Variants in ENOX1 observed in about 807,000 individuals in gnomAD.
ENOX1 encodes the protein candidate growth-related and time keeping constitutive hydroquinone (NADH) oxidase.
Under a neutral mutation model 82.5 loss-of-function variants are expected in ENOX1, and 42 were observed. The ratio of observed to expected loss-of-function variants is 0.51; its 90% CI spans 0.40 to 0.66. The LOEUF (loss-of-function observed/expected upper bound fraction) is 0.66. Among genes scored for constraint, ENOX1 ranks in the 30% least tolerant of loss-of-function variants. ENOX1 has a pLI of 0.00. For synonymous variants in ENOX1, 271 were observed against 282.2 expected (o/e 0.96, Z 0.40); for missense variants, 608 against 811.6 (o/e 0.75, Z 3.05).
At chr13:43,719,302 T>TACATACACACACACAC (rs547079621) in intron 1 of ENOX1, among the ~76,000 whole-genome samples, 2 of 126,682 alleles carry the variant, frequency 1.6e-5, no homozygotes, top group African/African-American at 2.9e-5. Flanking sequence ...TTCATTCAAA[T>TACATACACACACACAC]ACACACACAC....
At chr13:43,373,258 G>GC in intron 5 of ENOX1, among the ~76,000 whole-genome samples, 1 of 152,028 alleles carries the variant, frequency 6.6e-6, no homozygotes, top group Non-Finnish European at 1.5e-5. Flanking sequence ...AAACCAGAAG[G>GC]CCTTCTAGGA....
intron 2 of ENOX1, among the ~76,000 whole-genome samples, chr13:43,645,740 T>TCTC (rs10661205): frequency 0.99 from 151,026 of 152,280 alleles, 74,904 homozygotes; most frequent in Middle Eastern, 1. Flanking sequence ...AGAAAATAGT[T>TCTC]CTTCTCAGAA....
At chr13:43,416,555 C>T (rs1195856825) in intron 3 of ENOX1, among the ~76,000 whole-genome samples, 2 of 143,216 alleles carry the variant, frequency 1.4e-5, no homozygotes, top group Admixed American at 6.9e-5. Context: ...CAGGTAGCAG[C>T]GATCCTCACT....
chr13:43,439,979 G>A (rs1046469216), intron 3 of ENOX1, among the ~76,000 whole-genome samples: 3 of 152,090 alleles, frequency 2.0e-5, no homozygotes, highest in Non-Finnish European at 4.4e-5. Context: ...GGCAAAACAT[G>A]TTTATATATA....
chr13:43,608,250 C>T (rs2082053767), intron 2 of ENOX1, among the ~76,000 whole-genome samples: 4 of 152,024 alleles, frequency 2.6e-5, no homozygotes, highest in African/African-American at 7.2e-5. Context: ...ATAAGAACAC[C>T]GGACTTTAAA....
At chr13:43,707,570 T>C (rs541286496) in intron 1 of ENOX1, among the ~76,000 whole-genome samples, 1 of 151,680 alleles carries the variant, frequency 6.6e-6, no homozygotes, top group Admixed American at 6.6e-5. Context: ...CTGTCTCTAC[T>C]AAAAGTACAA....
chr13:43,454,987 C>T (rs2057158925), intron 3 of ENOX1, among the ~76,000 whole-genome samples: 1 of 152,160 alleles, frequency 6.6e-6, no homozygotes, highest in East Asian at 1.9e-4. Flanking sequence ...CTTTTTAACA[C>T]CATTTTGTGA....
chr13:43,351,577 T>TC (rs923948657), intron 8 of ENOX1, among the ~76,000 whole-genome samples: 1 of 73,094 alleles, frequency 1.4e-5, no homozygotes, highest in African/African-American at 5.5e-5. Context: ...CCCTCCCCCC[T>TC]CCCCCCACCC....
chr13:43,560,243 A>C lies in ENOX1; in HGVS notation c.-218-76091T>G, dbSNP rs1246482282. 2.0e-5 allele frequency among the ~76,000 whole-genome samples: 3 copies of C among 152,212 alleles called. No homozygotes were observed. In the South Asian group the frequency reaches 6.2e-4, roughly 31 times the overall value. On this transcript the variant is annotated intron_variant, in intron 2 of 16. Transcript: ENST00000690772. ...ATTGAACAGGTATGCTATAATACCTATATTCCTATTGGTATGCTTTTAGGT... is the reference window on the plus strand; with the variant it reads ...ATTGAACAGGTATGCTATAATACCTCTATTCCTATTGGTATGCTTTTAGGT...
chr13:43,507,342 A>T (rs1167801514), intron 2 of ENOX1, among the ~76,000 whole-genome samples: 1 of 151,994 alleles, frequency 6.6e-6, no homozygotes, highest in Non-Finnish European at 1.5e-5. Flanking sequence ...AGGTAAACAT[A>T]ATCAATGAAG....
At position 43,537,070 on chromosome 13, in the gene ENOX1, G is replaced by T. The variant is rs180769994; in HGVS notation, c.-218-52918C>A. 8.5e-5 allele frequency among the ~76,000 whole-genome samples: 13 copies of T among 152,300 alleles called. No individual in the cohort carries two copies. In the East Asian group the frequency reaches 2.5e-3, roughly 29 times the overall value. On this transcript the variant is annotated intron_variant, in intron 2 of 16. Coordinates refer to ENST00000690772, the MANE Select transcript of ENOX1 (RefSeq NM_001347969.2). Reference sequence around the variant, plus strand: ...TAAAGTCTTTGAATACTGAGAGACTGGTTCAGTGGGCACTCATGAATCCTG... The same window carrying T: ...TAAAGTCTTTGAATACTGAGAGACTTGTTCAGTGGGCACTCATGAATCCTG...
At chr13:43,584,542 C>T (rs1004329480) in intron 2 of ENOX1, among the ~76,000 whole-genome samples, 2 of 152,166 alleles carry the variant, frequency 1.3e-5, no homozygotes, top group Non-Finnish European at 2.9e-5. Context: ...GATAAACTGA[C>T]ATTAGGTTAG....
chr13:43,366,486 C>T (rs1161688460), intron 5 of ENOX1, among the ~76,000 whole-genome samples: 1 of 152,146 alleles, frequency 6.6e-6, no homozygotes, highest in Non-Finnish European at 1.5e-5. Context: ...CCGTGTTAGC[C>T]AGGATGGTCT....
At chr13:43,655,312 G>A (rs886099366) in intron 2 of ENOX1, among the ~76,000 whole-genome samples, 2 of 152,100 alleles carry the variant, frequency 1.3e-5, no homozygotes, top group African/African-American at 4.8e-5. Flanking sequence ...GTTCCACAAG[G>A]CATTTGGACA....
intron 11 of ENOX1, among the ~76,000 whole-genome samples, chr13:43,307,786 G>A (rs1038102913): frequency 2.0e-5 from 3 of 152,198 alleles, no homozygotes; most frequent in Admixed American, 2.0e-4. Flanking sequence ...TCAACTGCTC[G>A]ATGTTGTTGT....
At chr13:43,460,793 C>CAAAAAAAAAAAAAAAAAA (rs1312983530) in intron 3 of ENOX1, among the ~76,000 whole-genome samples, 2 of 25,702 alleles carry the variant, frequency 7.8e-5, no homozygotes, top group African/African-American at 1.9e-4. Context: ...GACTCCATCT[C>CAAAAAAAAAAAAAAAAAA]AAAAAAAAAA....
At chr13:43,409,407 A>C (rs2053986306) in intron 5 of ENOX1, among the ~76,000 whole-genome samples, 1 of 152,174 alleles carries the variant, frequency 6.6e-6, no homozygotes, top group Non-Finnish European at 1.5e-5. Flanking sequence ...GCAAAATATT[A>C]TTTGCTTTAA....
intron 1 of ENOX1, among the ~76,000 whole-genome samples, chr13:43,770,686 TACACAC>T (rs149111203): frequency 0.02 from 2,866 of 146,238 alleles, 58 homozygotes; most frequent in African/African-American, 0.058. Flanking sequence ...TACGTATGTG[TACACAC>T]ACACACACAC....
chr13:43,475,618 C>A (rs574370653), intron 3 of ENOX1, among the ~76,000 whole-genome samples: 2 of 151,958 alleles, frequency 1.3e-5, no homozygotes, highest in East Asian at 1.9e-4. Context: ...TCATTTACAG[C>A]CTAATAATTT....
Sources: allele counts gnomAD v4.1 joint callset (sites outside exome capture counted in the v4.1 genomes callset), GRCh38; gene constraint gnomAD v4.1.1; transcripts MANE v1.5; gene names NCBI Gene and HGNC (gene_info 2026-07-23, HGNC 2026-07-21).